The following ANO3 variants were observed in gnomAD, a reference collection of about 807,000 sequenced individuals.
ANO3 encodes the protein anoctamin-3.
Under a neutral mutation model 144.8 loss-of-function variants are expected in ANO3, and 99 were observed. The ratio of observed to expected loss-of-function variants is 0.68; its 90% confidence interval spans 0.58 to 0.81. The LOEUF is 0.81. Among genes scored for constraint, ANO3 ranks in the 30% least tolerant of loss-of-function variants. The pLI is 0.00. For missense variants in ANO3, 905 were observed against 1,202.2 expected (o/e 0.75, Z 3.66); for synonymous variants, 414 against 392.6 (o/e 1.05, Z -0.64).
At chr11:26,290,995 T>C (rs1853943270) in intron 1 of ANO3, among the ~76,000 whole-genome samples, 1 of 152,206 alleles carries the variant, frequency 6.6e-6, no homozygotes. Flanking sequence ...ATCTGTCTAA[T>C]GTTGACAGTG....
At chr11:26,509,037 T>G (rs968695736) in intron 5 of ANO3, among the ~76,000 whole-genome samples, 6 of 151,072 alleles carry the variant, frequency 4.0e-5, no homozygotes, top group African/African-American at 1.5e-4. Flanking sequence ...TATATAAAAT[T>G]TTACACAAAA....
chr11:26,408,262 TCAAA>T (rs1445830660), intron 1 of ANO3, among the ~76,000 whole-genome samples: 3 of 151,074 alleles, frequency 2.0e-5, no homozygotes, highest in South Asian at 2.1e-4. Flanking sequence ...TACAATGAAC[TCAAA>T]CAAATTTACA....
chr11:26,355,890 G>A lies in ANO3; in HGVS notation c.46+23569G>A, dbSNP rs534025487. ...CGAAAATTCATAATGCTGATTCTTG[G>A]CATGGTTCTCCTAGTTGTTCATTAT... On this transcript the variant is annotated intron_variant, in intron 1 of 26. Coordinates refer to ENST00000256737, the MANE Select transcript of ANO3 (RefSeq NM_031418.4). Among the ~76,000 whole-genome samples the A allele has an allele frequency of 2.6e-5, 4 of 152,252 alleles. No individual in the cohort carries two copies. The East Asian group carries it at 7.7e-4, about 29-fold the overall frequency.
chr11:26,632,667 A>G (rs1852825553), intron 18 of ANO3, among the ~76,000 whole-genome samples: 1 of 151,510 alleles, frequency 6.6e-6, no homozygotes, highest in South Asian at 2.1e-4. Context: ...AGGAACACAA[A>G]TATTATTTTC....
chr11:26,268,697 G>A (rs1853369353), intron 1 of ANO3, among the ~76,000 whole-genome samples: 3 of 152,144 alleles, frequency 2.0e-5, no homozygotes, highest in South Asian at 4.1e-4. Context: ...CGAAGAAGGT[G>A]CAACTCTCCT....
At chr11:26,441,626 T>A (rs1858525107) in intron 1 of ANO3, among the ~76,000 whole-genome samples, 1 of 152,190 alleles carries the variant, frequency 6.6e-6, no homozygotes, top group African/African-American at 2.4e-5. Flanking sequence ...ATAATTGTTG[T>A]CATAATTCCC....
chr11:26,489,197 A>C lies in ANO3; in HGVS notation c.433-18907A>C, dbSNP rs753927949. On this transcript the variant is annotated intron_variant, in intron 4 of 26. Transcript: ENST00000256737. ...GGACTTGGTGCCCTGTGTCCCAGCC[A>C]CTCCAGTCATGGCTGAAAGGGGCCA... is the stretch of plus-strand genomic sequence containing the variant. 2.5e-3 allele frequency among the ~76,000 whole-genome samples: 319 copies of C among 125,746 alleles called. 1 individual carries two copies. Among genetic ancestry groups the C allele is most frequent in the Non-Finnish European group, 2.8e-3 (161 of 56,536 alleles). 82.5% of individuals were successfully genotyped at this position (125,746 alleles called of 152,430 possible).
At chr11:26,603,998 C>G (rs1407914185) in intron 17 of ANO3, among the ~76,000 whole-genome samples, 1 of 151,964 alleles carries the variant, frequency 6.6e-6, no homozygotes, top group African/African-American at 2.4e-5. Context: ...TGTAAAATAC[C>G]TAAGTGTTAC....
chr11:26,564,716 CACACACACACACACACATATATATATAT>C (rs1339383916), intron 14 of ANO3, among the ~76,000 whole-genome samples: 7 of 74,352 alleles, frequency 9.4e-5, no homozygotes, highest in Non-Finnish European at 1.8e-4. Flanking sequence ...CACACACACA[CACACACACACACACACATATATATATAT>C]ATATATATAT....
chr11:26,418,818 C>T (rs139129660), intron 1 of ANO3, among the ~76,000 whole-genome samples: 1 of 152,048 alleles, frequency 6.6e-6, no homozygotes, highest in East Asian at 1.9e-4. Flanking sequence ...AATGAAGAGG[C>T]ATAGATTACA....
chr11:26,191,289 A>G (rs1434952807), intron 1 of ANO3, among the ~76,000 whole-genome samples: 1 of 151,594 alleles, frequency 6.6e-6, no homozygotes, highest in Non-Finnish European at 1.5e-5. Flanking sequence ...AAAAGAAAAA[A>G]AAACACATAT....
chr11:26,191,139 G>T (rs1201519324), intron 1 of ANO3, among the ~76,000 whole-genome samples: 2 of 152,032 alleles, frequency 1.3e-5, no homozygotes, highest in African/African-American at 4.8e-5. Flanking sequence ...AGCCAGGCGT[G>T]GTGGCACATG....
At chr11:26,375,511 C>A (rs545581786) in intron 1 of ANO3, among the ~76,000 whole-genome samples, 1 of 152,268 alleles carries the variant, frequency 6.6e-6, no homozygotes, top group South Asian at 2.1e-4. Flanking sequence ...GGAATGTTTA[C>A]AAGCCAGAAT....
At chr11:26,532,300 G>T (rs531470622) in intron 8 of ANO3, among the ~76,000 whole-genome samples, 2 of 152,250 alleles carry the variant, frequency 1.3e-5, no homozygotes, top group Non-Finnish European at 2.9e-5. Flanking sequence ...AATGACTGTT[G>T]GCTTTAGAGA....
chr11:26,605,310 T>C (rs1851905155), intron 17 of ANO3, among the ~76,000 whole-genome samples: 2 of 152,190 alleles, frequency 1.3e-5, no homozygotes, highest in South Asian at 4.1e-4. Context: ...GCTGCTGGAT[T>C]CGGTTTGCCA....
At chr11:26,263,015 GTTC>G (rs1160091611) in intron 1 of ANO3, among the ~76,000 whole-genome samples, 2 of 152,170 alleles carry the variant, frequency 1.3e-5, no homozygotes, top group Non-Finnish European at 1.5e-5. Context: ...TGATGTCTGT[GTTC>G]TTATTTTCAT....
intron 23 of ANO3, among the ~76,000 whole-genome samples, chr11:26,644,628 A>T (rs1333262841): frequency 6.6e-6 from 1 of 152,112 alleles, no homozygotes; most frequent in Non-Finnish European, 1.5e-5. Flanking sequence ...GGATTTTTGG[A>T]TTGTTGTTCT....
intron 1 of ANO3, among the ~76,000 whole-genome samples, chr11:26,357,742 A>G (rs183638518): frequency 5.9e-5 from 9 of 152,252 alleles, no homozygotes; most frequent in Non-Finnish European, 1.3e-4. Flanking sequence ...GATTTGTATT[A>G]AAATATATTT....
chr11:26,350,432 C>G (rs1487304115), intron 1 of ANO3, among the ~76,000 whole-genome samples: 1 of 152,152 alleles, frequency 6.6e-6, no homozygotes, highest in Non-Finnish European at 1.5e-5. Flanking sequence ...TCAAATAACA[C>G]ATGATTATTG....
Sources: gnomAD v4.1 joint callset for allele counts (sites outside exome capture counted in the v4.1 genomes callset) on GRCh38, gnomAD v4.1.1 for gene constraint, MANE v1.5 for transcripts, NCBI Gene and HGNC (gene_info 2026-07-23, HGNC 2026-07-21) for gene names.